NELL2: variants seen among roughly 807,000 people sequenced by gnomAD.
The protein encoded by NELL2 is neural EGFL like 2.
In NELL2, 41 loss-of-function variants were observed where a neutral mutation model predicts 109.6. That is an observed-to-expected ratio of 0.37 (90% CI 0.29 to 0.49). The LOEUF is 0.49. Ranked by LOEUF, NELL2 falls within the 20% of genes least tolerant of loss-of-function variation. NELL2 has a pLI of 0.98. For missense variants in NELL2, 900 were observed against 1,008.3 expected (o/e 0.89, Z 1.45); for synonymous variants, 355 against 344.7 (o/e 1.03, Z -0.33).
chr12:44,682,835 T>A (rs1201103128), intron 12 of NELL2, among the ~76,000 whole-genome samples: 2 of 152,218 alleles, frequency 1.3e-5, no homozygotes, highest in African/African-American at 4.8e-5. Context: ...TGTAGTATAG[T>A]TGGAAGTCAG....
intron 3 of NELL2, among the ~76,000 whole-genome samples, chr12:44,799,007 G>GGA (rs1176943316): frequency 7.3e-6 from 1 of 137,622 alleles, no homozygotes; most frequent in South Asian, 2.3e-4. Context: ...CACCCAGGCT[G>GGA]GAGTTCAGTG....
In NELL2 at chr12:44,617,623, C is replaced by T. The variant is rs1237135684; in HGVS notation, c.1445-6653G>A. Among the ~76,000 whole-genome samples the T allele has an allele frequency of 6.6e-5, 6 of 91,202 alleles. 1 individual carries two copies. The highest frequency in any genetic ancestry group is 3.7e-4 in the African/African-American group (5 of 13,412). The allele number at this position is 91,202 out of a possible 152,430, so 59.8% of individuals were successfully genotyped here. A position where few individuals can be genotyped will look rare whatever the true frequency, so the allele number is the denominator to read the frequency against. On this transcript the variant is annotated intron_variant, in intron 13 of 19. Transcript: ENST00000429094. Reference sequence around the variant, plus strand: ...AGGAGAATGGCGTGAACCTGGGAGGCGGAGCTTGCAGTGAGCCGAGATCCC... The same window carrying T: ...AGGAGAATGGCGTGAACCTGGGAGGTGGAGCTTGCAGTGAGCCGAGATCCC...
chr12:44,601,080 C>T (rs1271725272), intron 15 of NELL2, among the ~76,000 whole-genome samples: 1 of 152,070 alleles, frequency 6.6e-6, no homozygotes, highest in Non-Finnish European at 1.5e-5. Context: ...AAGATCTTAT[C>T]CAAATTCCCA....
intron 3 of NELL2, among the ~76,000 whole-genome samples, chr12:44,782,604 T>C (rs146659702): frequency 3.0e-4 from 45 of 151,902 alleles, no homozygotes; most frequent in Middle Eastern, 3.4e-3. Flanking sequence ...GCTATATTAA[T>C]TTCAGAAAAA....
At chr12:44,729,229 G>A (rs188990490) in intron 9 of NELL2, among the ~76,000 whole-genome samples, 1 of 152,252 alleles carries the variant, frequency 6.6e-6, no homozygotes. Context: ...GATAAATAGT[G>A]TAGGGGGAGG....
At chr12:44,614,336 C>T (rs533437927) in intron 13 of NELL2, among the ~76,000 whole-genome samples, 9 of 151,960 alleles carry the variant, frequency 5.9e-5, no homozygotes, top group South Asian at 2.1e-4. Context: ...AAAAATATAT[C>T]GAAGGAAGAC....
chr12:44,634,478 CATG>C (rs1357740987), intron 13 of NELL2, among the ~76,000 whole-genome samples: 1 of 151,694 alleles, frequency 6.6e-6, no homozygotes, highest in Non-Finnish European at 1.5e-5. Flanking sequence ...CAACTTCATC[CATG>C]TCCCTGCAAA....
At chr12:44,609,290 A>G (rs905775988) in intron 14 of NELL2, among the ~76,000 whole-genome samples, 2 of 151,914 alleles carry the variant, frequency 1.3e-5, no homozygotes, top group African/African-American at 4.8e-5. Context: ...TGATACCTCA[A>G]CAGTGTATTT....
At chr12:44,538,729 A>G (rs1002382239) in intron 15 of NELL2, among the ~76,000 whole-genome samples, 2 of 152,152 alleles carry the variant, frequency 1.3e-5, no homozygotes, top group Admixed American at 6.5e-5. Context: ...AAGGATAAAG[A>G]AGCATGTTTT....
chr12:44,748,766 C>T (rs559241614), intron 9 of NELL2, among the ~76,000 whole-genome samples: 6 of 152,154 alleles, frequency 3.9e-5, no homozygotes, highest in Admixed American at 2.0e-4. Context: ...ATCCATTTAC[C>T]AAATTAAAAG....
At chr12:44,643,717 A>G (rs1469529199) in intron 13 of NELL2, among the ~76,000 whole-genome samples, 2 of 152,208 alleles carry the variant, frequency 1.3e-5, no homozygotes, top group Non-Finnish European at 2.9e-5. Context: ...TATATTAACC[A>G]ATGCCAAGCT....
At chr12:44,886,057 T>C (rs961021210) in intron 1 of NELL2, among the ~76,000 whole-genome samples, 3 of 128,664 alleles carry the variant, frequency 2.3e-5, no homozygotes, top group African/African-American at 6.0e-5. Flanking sequence ...TGAACAATGA[T>C]GCCAGAACAA....
At chr12:44,582,002 A>ATTAC (rs1944342192) in intron 15 of NELL2, among the ~76,000 whole-genome samples, 1 of 152,202 alleles carries the variant, frequency 6.6e-6, no homozygotes, top group African/African-American at 2.4e-5. Flanking sequence ...TGGAAAAGGA[A>ATTAC]TTACAATTGT....
chr12:44,825,657 A>C (rs1943688963), intron 2 of NELL2, among the ~76,000 whole-genome samples: 1 of 150,276 alleles, frequency 6.7e-6, no homozygotes. Flanking sequence ...CGGCCTCCCA[A>C]AGTGCTGGGA....
At chr12:44,658,876 CCAAAAA>C (rs1947613000) in intron 13 of NELL2, among the ~76,000 whole-genome samples, 1 of 97,616 alleles carries the variant, frequency 1.0e-5, no homozygotes, top group Non-Finnish European at 2.0e-5. Context: ...GACTCTGTCT[CCAAAAA>C]AAAAAAAAAA....
chr12:44,675,174 C>A (rs1373532453), intron 12 of NELL2, among the ~76,000 whole-genome samples: 1 of 152,142 alleles, frequency 6.6e-6, no homozygotes, highest in Non-Finnish European at 1.5e-5. Flanking sequence ...CCTGGTGAAA[C>A]AGTCTTGCAT....
At chr12:44,767,843 A>T (rs1941397495) in intron 9 of NELL2, among the ~76,000 whole-genome samples, 1 of 152,152 alleles carries the variant, frequency 6.6e-6, no homozygotes, top group Admixed American at 6.6e-5. Context: ...AAACACAAAA[A>T]CCAGAAGTTT....
intron 1 of NELL2, among the ~76,000 whole-genome samples, chr12:44,893,423 A>C (rs2136871911): frequency 6.6e-6 from 1 of 152,380 alleles, no homozygotes; most frequent in South Asian, 2.1e-4. Context: ...ATATATGTAT[A>C]ATCACATAAT....
rs1941672754 is a variant in NELL2 at position 44,774,541 on chromosome 12, G to A, written c.994+206C>T. The A allele has an allele frequency of 7.4e-6, 4 of 543,780 alleles. No homozygotes were observed. The East Asian group carries it at 9.6e-5, about 13-fold the overall frequency. The allele number at this position is 543,780 out of a possible 1,614,324, so 33.7% of individuals were successfully genotyped here. On this transcript the variant is annotated intron_variant, in intron 9 of 19. Coordinates refer to ENST00000429094, the MANE Select transcript of NELL2 (RefSeq NM_001145108.2). Reference sequence around the variant, plus strand: ...CACTATATGGAATAGATTACTCCAAGAAAAAATTGTCCTACTGGAATAGGG... The same window carrying A: ...CACTATATGGAATAGATTACTCCAAAAAAAAATTGTCCTACTGGAATAGGG...
Sources: allele counts gnomAD v4.1 joint callset (sites outside exome capture counted in the v4.1 genomes callset), GRCh38; gene constraint gnomAD v4.1.1; transcripts MANE v1.5; gene names NCBI Gene and HGNC (gene_info 2026-07-23, HGNC 2026-07-21).